Variants in VWA3B observed in about 807,000 individuals in gnomAD.
VWA3B encodes von Willebrand factor A domain containing 3B, also known as von Willebrand factor A domain-containing protein 3B.
A neutral mutation model predicts 158.3 loss-of-function variants in VWA3B; 138 were observed. That is an observed-to-expected ratio of 0.87 (90% CI 0.76 to 1.00). VWA3B has a LOEUF of 1.00. VWA3B is among the 50% of genes least tolerant of loss of function. The pLI, the probability that VWA3B is intolerant of heterozygous loss-of-function variation, is 0.00. For missense variants in VWA3B, 1,555 were observed against 1,565.1 expected (o/e 0.99, Z 0.11); for synonymous variants, 596 against 587.3 (o/e 1.01, Z -0.21).
intron 19 of VWA3B, among the ~76,000 whole-genome samples, chr2:98,247,563 AG>A (rs1686483288): frequency 6.6e-6 from 1 of 152,124 alleles, no homozygotes; most frequent in South Asian, 2.1e-4. Context: ...GTTGAGTGAT[AG>A]TTTAGCTGGA....
chr2:98,293,017 G>A (rs534298912), intron 23 of VWA3B, among the ~76,000 whole-genome samples: 9 of 152,164 alleles, frequency 5.9e-5, no homozygotes, highest in African/African-American at 1.9e-4. Context: ...ATTCTAAATG[G>A]TTGGGTTAGG....
At position 98,236,636 on chromosome 2, in the gene VWA3B, C is replaced by T; in HGVS notation, c.2579C>T (p.Thr860Ile). The T allele has an allele frequency of 5.0e-6, 8 of 1,614,242 alleles. No individual in the cohort carries two copies. The highest frequency in any genetic ancestry group is 2.2e-5 in the East Asian group (1 of 44,886). ...TATGGCTTGGTCGCCAAGAAACTCA[C>T]CCTCATGGATGCCTTGTCAGTGGCA... ...KTYGLVAKKL[T>I]LMDALSVAAV... The change falls in exon 19 of 28, where the codon ACC becomes ATC. Residue 860 changes from threonine to isoleucine, a missense_variant. Thr to Ile is a moderately conservative substitution (Grantham distance 89, BLOSUM62 -1). Transcript: ENST00000477737.
At chr2:98,162,715 G>C in intron 7 of VWA3B, 136 bp from the exon 8 acceptor site, 1 of 1,236,176 alleles carries the variant, frequency 8.1e-7, no homozygotes. Context: ...CTCAGAAAGA[G>C]ATTAGTGGGG....
At chr2:98,239,763 A>T (rs574893224) in intron 19 of VWA3B, among the ~76,000 whole-genome samples, 3 of 151,582 alleles carry the variant, frequency 2.0e-5, no homozygotes, top group Non-Finnish European at 4.4e-5. Context: ...AATACAAAAA[A>T]ATTAGCCAGG....
intron 6 of VWA3B, among the ~76,000 whole-genome samples, 170 bp downstream of exon 6, chr2:98,128,578 CAT>C (rs761019501): frequency 2.1e-4 from 32 of 152,150 alleles, no homozygotes; most frequent in Admixed American, 4.6e-4. Context: ...TTGTATTAAT[CAT>C]GACTTTCTAT....
In VWA3B at chr2:98,125,020, T is replaced by C. The variant is rs1331057942; in HGVS notation, c.703-3219T>C. ...AGCTGAATGGAACTCATGTATTTTA[T>C]CAAATTCGGTGCAAATCAGCATTTA... On this transcript the variant is annotated intron_variant, in intron 5 of 27. Transcript: ENST00000477737. This position sits in a 1 kb window ranked among gnomAD's most constrained non-coding sequence, Gnocchi z 4.1. 6.6e-6 allele frequency among the ~76,000 whole-genome samples: 1 copy of C among 152,232 alleles called. No individual in the cohort carries two copies. The highest frequency in any genetic ancestry group is 1.5e-5 in the Non-Finnish European group (1 of 68,044).
rs1302034902 is a variant in VWA3B, at chr2:98,255,180, A to ATTTTTTTTTTT, written c.2793-943_2793-942insTTTTTTTTTTT. Among the ~76,000 whole-genome samples the ATTTTTTTTTTT allele has an allele frequency of 9.0e-4, 59 of 65,908 alleles. 7 individuals carry two copies. Among genetic ancestry groups the ATTTTTTTTTTT allele is most frequent in the African/African-American group, 3.6e-3 (55 of 15,258 alleles). The allele number at this position is 65,908 out of a possible 152,430, so 43.2% of individuals were successfully genotyped here. A position where few individuals can be genotyped will look rare whatever the true frequency, so the allele number is the denominator to read the frequency against. On this transcript the variant is annotated intron_variant, in intron 20 of 27. Transcript: ENST00000477737. ...AGTCGCCCGCCACCACGCCCGGCTG[A>ATTTTTTTTTTT]TATTTTTTTTTTTTTTTTTTTTTTT...
At chr2:98,205,321 T>G (rs1258254722) in intron 12 of VWA3B, among the ~76,000 whole-genome samples, 1 of 152,166 alleles carries the variant, frequency 6.6e-6, no homozygotes, top group African/African-American at 2.4e-5. Context: ...GAGCATAAAG[T>G]TTTTCATAAT....
chr2:98,179,700 TTTCTTTCTTTC>T (rs1015879593), intron 8 of VWA3B, among the ~76,000 whole-genome samples: 5 of 150,852 alleles, frequency 3.3e-5, no homozygotes, highest in East Asian at 1.9e-4. Flanking sequence ...TTCCTTTCTT[TTTCTTTCTTTC>T]TTCTTTCTTT....
In VWA3B at chr2:98,236,443, G is replaced by T. The variant is rs202057451; in HGVS notation, c.2482G>T (p.Val828Leu). The T allele has an allele frequency of 7.9e-5, 128 of 1,614,116 alleles. No homozygotes were observed. The highest frequency in any genetic ancestry group is 1.0e-4 in the Admixed American group (6 of 60,008). Residue 828 changes from valine to leucine, a missense_variant, in exon 18 of 28, where the codon GTG becomes TTG. Val to Leu is a conservative substitution (Grantham distance 32, BLOSUM62 1). Coordinates refer to ENST00000477737, the MANE Select transcript of VWA3B (RefSeq NM_144992.5). ...GCTGGATGACAAATCGTCAGAAAAG[G>T]TGACGCGAGAAGGAAGCCAGGTTTA... ...EWLDDKSSEKVTREGSQVYDH... is the reference protein window; with the variant it reads ...EWLDDKSSEKLTREGSQVYDH...
chr2:98,325,975 CATATA>C, the VWA3B span, among the ~76,000 whole-genome samples: 4 of 152,018 alleles, frequency 2.6e-5, no homozygotes, highest in African/African-American at 9.7e-5. Flanking sequence ...GAATTGCAGT[CATATA>C]AAGTGTGTTC....
At chr2:98,087,998 G>A (rs1681984930) in intron 1 of VWA3B, among the ~76,000 whole-genome samples, 1 of 152,136 alleles carries the variant, frequency 6.6e-6, no homozygotes, top group African/African-American at 2.4e-5. Context: ...CGGTGGGACA[G>A]TCCGTTTCAA....
chr2:98,093,755 T>C (rs1682521228), intron 2 of VWA3B, among the ~76,000 whole-genome samples: 1 of 152,184 alleles, frequency 6.6e-6, no homozygotes, highest in African/African-American at 2.4e-5. Context: ...GATGTCCTAA[T>C]TGTAGTGGTA....
rs547785877 is a variant in VWA3B at position 98,201,312 on chromosome 2, T to C, written c.1737+6820T>C. On this transcript the variant is annotated intron_variant, in intron 12 of 27. Coordinates refer to ENST00000477737, the MANE Select transcript of VWA3B (RefSeq NM_144992.5). ...TTTTAAATTATAAATTTTAATTCTT[T>C]ATTACAATTGATTTTTGTATACTGA... Among the ~76,000 whole-genome samples, 23 of 152,346 alleles carry C rather than the reference T, an allele frequency of 1.5e-4. No homozygotes were observed. The South Asian group carries it at 3.7e-3, about 25-fold the overall frequency.
chr2:98,277,883 A>G (rs1688624666), intron 22 of VWA3B, among the ~76,000 whole-genome samples: 1 of 152,192 alleles, frequency 6.6e-6, no homozygotes, highest in South Asian at 2.1e-4. Context: ...CAGTTATGTA[A>G]AATAAACTCA....
chr2:98,246,823 G>C (rs1686428999), intron 19 of VWA3B, among the ~76,000 whole-genome samples: 3 of 151,986 alleles, frequency 2.0e-5, no homozygotes, highest in Admixed American at 2.0e-4. Context: ...TATCTATCTT[G>C]ATTTATTTTT....
At chr2:98,234,855 G>A (rs1685573591) in intron 17 of VWA3B, 88 bp downstream of exon 17, 3 of 1,552,222 alleles carry the variant, frequency 1.9e-6, no homozygotes, top group East Asian at 4.6e-5. Flanking sequence ...ATATGTTGGG[G>A]AAATCATATT....
the VWA3B span, among the ~76,000 whole-genome samples, chr2:98,324,000 G>A: frequency 3.3e-5 from 5 of 152,142 alleles, no homozygotes; most frequent in Admixed American, 2.6e-4. Flanking sequence ...CACACGTGGA[G>A]GCTTAAACTC....
At chr2:98,158,967 C>T (rs928550348) in intron 7 of VWA3B, among the ~76,000 whole-genome samples, 13 of 152,160 alleles carry the variant, frequency 8.5e-5, no homozygotes, top group Admixed American at 6.5e-5. Context: ...TCAACACATA[C>T]TTGCCAAATG....
Sources: gnomAD v4.1 joint callset for allele counts (sites outside exome capture counted in the v4.1 genomes callset) on GRCh38, gnomAD v4.1.1 for gene constraint, Gnocchi (gnomAD v3.1) non-coding constraint, MANE v1.5 for transcripts, NCBI Gene and HGNC (gene_info 2026-07-23, HGNC 2026-07-21) for gene names.